The following CACNB4 variants were observed in gnomAD, a reference collection of about 807,000 sequenced individuals.
CACNB4 encodes the protein calcium voltage-gated channel auxiliary subunit beta 4.
A neutral mutation model predicts 71.2 loss-of-function variants in CACNB4; 32 were observed. The ratio of observed to expected loss-of-function variants is 0.45; its 90% CI spans 0.34 to 0.60. CACNB4 has a LOEUF of 0.60. Among genes scored for constraint, CACNB4 ranks in the 20% least tolerant of loss-of-function variants. The pLI, the probability that CACNB4 is intolerant of heterozygous loss-of-function variation, is 0.01. For missense variants in CACNB4, 464 were observed against 647.9 expected (o/e 0.72, Z 3.08); for synonymous variants, 231 against 236.9 (o/e 0.97, Z 0.23).
intron 2 of CACNB4, among the ~76,000 whole-genome samples, chr2:152,087,901 G>T (rs1308093207): frequency 6.6e-6 from 1 of 151,520 alleles, no homozygotes; most frequent in Admixed American, 6.7e-5. Context: ...GAAAGAGACA[G>T]AGAAAAAGAA....
At chr2:151,999,624 C>T (rs375841103) in intron 2 of CACNB4, among the ~76,000 whole-genome samples, 1 of 152,080 alleles carries the variant, frequency 6.6e-6, no homozygotes, top group Non-Finnish European at 1.5e-5. Context: ...CAGCCAGAGC[C>T]GAGAGCCAAT....
At chr2:151,987,439 A>T (rs1681435034) in intron 2 of CACNB4, among the ~76,000 whole-genome samples, 2 of 152,144 alleles carry the variant, frequency 1.3e-5, no homozygotes, top group South Asian at 4.1e-4. Flanking sequence ...TCTACCGCAG[A>T]CATCATCCTC....
intron 2 of CACNB4, among the ~76,000 whole-genome samples, chr2:151,986,094 C>G (rs1681354793): frequency 1.3e-5 from 2 of 152,162 alleles, no homozygotes; most frequent in Non-Finnish European, 2.9e-5. Flanking sequence ...TGAAGAAGAG[C>G]ATTATTCCCT....
intron 2 of CACNB4, among the ~76,000 whole-genome samples, chr2:151,933,681 C>T (rs1325655237): frequency 6.6e-6 from 1 of 152,120 alleles, no homozygotes; most frequent in Non-Finnish European, 1.5e-5. Flanking sequence ...GTGCCATGGT[C>T]AGTAAAGCAC....
intron 2 of CACNB4, among the ~76,000 whole-genome samples, chr2:152,095,489 A>G (rs1447745174): frequency 2.0e-5 from 3 of 151,758 alleles, no homozygotes; most frequent in African/African-American, 7.3e-5. Flanking sequence ...TGTAAATAAT[A>G]TGATAAAGAA....
intron 2 of CACNB4, among the ~76,000 whole-genome samples, chr2:151,889,082 T>C (rs2099850094): frequency 1.3e-5 from 2 of 152,326 alleles, no homozygotes; most frequent in African/African-American, 2.4e-5. Context: ...GTGGCTACCA[T>C]ATTGGGCTGT....
At chr2:152,049,147 T>A (rs1685285741) in intron 2 of CACNB4, among the ~76,000 whole-genome samples, 1 of 151,934 alleles carries the variant, frequency 6.6e-6, no homozygotes, top group Non-Finnish European at 1.5e-5. Context: ...CTCTCCCCCA[T>A]TTGCATTCTC....
At chr2:152,031,383 C>T (rs535077150) in intron 2 of CACNB4, among the ~76,000 whole-genome samples, 3 of 152,206 alleles carry the variant, frequency 2.0e-5, no homozygotes, top group Non-Finnish European at 4.4e-5. Context: ...GCATGTAGTT[C>T]AGGCTGGTAG....
chr2:152,058,209 C>A (rs1436740180), intron 2 of CACNB4, among the ~76,000 whole-genome samples: 1 of 152,118 alleles, frequency 6.6e-6, no homozygotes, highest in South Asian at 2.1e-4. Context: ...TATAAATTAC[C>A]CAGTCTCAAG....
intron 2 of CACNB4, among the ~76,000 whole-genome samples, chr2:151,945,007 T>C (rs2099865222): frequency 6.6e-6 from 1 of 152,206 alleles, no homozygotes; most frequent in African/African-American, 2.4e-5. Flanking sequence ...ATTTCCTCAT[T>C]AGCTATTCAC....
rs76481123 is a variant in CACNB4, at chr2:152,037,053, G to A, written c.147+61277C>T. Among the ~76,000 whole-genome samples, 173 of 152,300 alleles carry A rather than the reference G, an allele frequency of 1.1e-3. 1 individual carries two copies. The highest frequency in any genetic ancestry group is 2.2e-3 in the Non-Finnish European group (152 of 68,032). ...TTGATGGCCTTAGCCACAAGATGGC[G>A]CATGTAGACCATTTCCACACTTGCG... On this transcript the variant is annotated intron_variant, in intron 2 of 13. Coordinates refer to ENST00000539935, the MANE Select transcript of CACNB4 (RefSeq NM_000726.5).
At chr2:152,071,183 A>G (rs181908140) in intron 2 of CACNB4, among the ~76,000 whole-genome samples, 87 of 152,358 alleles carry the variant, frequency 5.7e-4, no homozygotes, top group Non-Finnish European at 9.8e-4. Context: ...GAAATTTCTT[A>G]GGCTATTAAT....
At chr2:151,947,951 C>T (rs1451823185) in intron 2 of CACNB4, among the ~76,000 whole-genome samples, 4 of 152,110 alleles carry the variant, frequency 2.6e-5, no homozygotes, top group Admixed American at 1.3e-4. Context: ...CGGAGGTAGG[C>T]GAGGGCATTC....
At chr2:152,041,672 G>A (rs1031240253) in intron 2 of CACNB4, among the ~76,000 whole-genome samples, 2 of 152,000 alleles carry the variant, frequency 1.3e-5, no homozygotes, top group East Asian at 1.9e-4. Context: ...TTATATTGTC[G>A]GAGACATCTT....
intron 2 of CACNB4, among the ~76,000 whole-genome samples, chr2:151,946,909 C>T (rs74382860): frequency 2.2e-4 from 34 of 152,290 alleles, no homozygotes; most frequent in Middle Eastern, 3.4e-3. Context: ...CTCTGAAGGA[C>T]GGTGATTCTG....
chr2:151,993,542 G>A (rs1255064408), intron 2 of CACNB4, among the ~76,000 whole-genome samples: 1 of 149,962 alleles, frequency 6.7e-6, no homozygotes, highest in African/African-American at 2.4e-5. Flanking sequence ...CTCTGAACAC[G>A]GAGGCATAGG....
At chr2:151,842,191 G>T in intron 12 of CACNB4, 103 bp from the exon 13 acceptor site, 1 of 954,700 alleles carries the variant, frequency 1.0e-6, no homozygotes, top group Non-Finnish European at 1.6e-6. Context: ...ATAGCTATTA[G>T]CTAAAATCAA....
intron 2 of CACNB4, among the ~76,000 whole-genome samples, chr2:152,020,251 T>A (rs958905253): frequency 6.6e-6 from 1 of 152,238 alleles, no homozygotes; most frequent in South Asian, 2.1e-4. Context: ...GGCATTTCTA[T>A]GTCCATTTGG....
intron 2 of CACNB4, among the ~76,000 whole-genome samples, chr2:152,035,603 T>TCTCTCTCTC: frequency 1.4e-5 from 1 of 69,730 alleles, no homozygotes; most frequent in South Asian, 4.8e-4. Context: ...CTCTCTCTCT[T>TCTCTCTCTC]TCTCTCTCTC....
Sources: allele counts gnomAD v4.1 joint callset (sites outside exome capture counted in the v4.1 genomes callset), GRCh38; gene constraint gnomAD v4.1.1; transcripts MANE v1.5; gene names NCBI Gene and HGNC (gene_info 2026-07-23, HGNC 2026-07-21).